The following GPLD1 variants were observed in gnomAD, a reference collection of about 807,000 sequenced individuals.
GPLD1 encodes the protein phosphatidylinositol-glycan-specific phospholipase D.
A neutral mutation model predicts 112.6 loss-of-function variants in GPLD1; 84 were observed. The observed-to-expected ratio is 0.75, with a 90% CI of 0.63 to 0.89. The LOEUF is 0.89. Among genes scored for constraint, GPLD1 ranks in the 40% least tolerant of loss-of-function variants. The pLI, the probability that GPLD1 is intolerant of heterozygous loss-of-function variation, is 0.00. For synonymous variants in GPLD1, 386 were observed against 403.8 expected (o/e 0.96, Z 0.53); for missense variants, 1,044 against 1,051.5 (o/e 0.99, Z 0.10).
chr6:24,481,941 T>A (rs1764215327), intron 2 of GPLD1, among the ~76,000 whole-genome samples: 2 of 152,186 alleles, frequency 1.3e-5, no homozygotes, highest in African/African-American at 4.8e-5. Flanking sequence ...TTAAGACTTG[T>A]TGAATCTGCA....
At chr6:24,489,669 T>G, upstream of GPLD1, 1 of 1,231,792 alleles carries the variant, frequency 8.1e-7, no homozygotes, top group Non-Finnish European at 1.1e-6. Flanking sequence ...CGTTTTCCAA[T>G]GAAGTCAACT....
rs2295649 is a variant in GPLD1 at position 24,437,296 on chromosome 6, C to T, written c.2021-7G>A. 195,137 of 1,610,844 alleles carry T rather than the reference C, an allele frequency of 0.12. 16,541 individuals are homozygous for T. Among genetic ancestry groups the T allele is most frequent in the East Asian group, 0.42 (18,888 of 44,814 alleles). On this transcript the variant is annotated splice_polypyrimidine_tract_variant and splice_region_variant and intron_variant, in intron 20 of 24. Transcript: ENST00000230036. ...GCCACCTTAGACACGTCATCTGAAA[C>T]GAACCACAGTTCCTGCTGGCCTCAC...
At position 24,436,616 on chromosome 6, in the gene GPLD1, C is replaced by T. The variant is rs749201248; in HGVS notation, c.2318G>A (p.Gly773Asp). Reference sequence around the variant, plus strand: ...TGGAGTTATCCATGATTTGCATTTGCCAGTCATGTCACCAAGGGTGGTCTC... The same window carrying T: ...TGGAGTTATCCATGATTTGCATTTGTCAGTCATGTCACCAAGGGTGGTCTC... Reference protein sequence around the residue: ...GKETTLGDMTGKCKSWITPCP... With the variant: ...GKETTLGDMTDKCKSWITPCP... Residue 773 changes from glycine (G) to aspartate (D), a missense_variant, in exon 22 of 25, where the codon GGC becomes GAC. By Grantham distance (94) the Gly-to-Asp change is moderately conservative. Coordinates refer to ENST00000230036, the MANE Select transcript of GPLD1 (RefSeq NM_001503.4). 6.2e-7 allele frequency: 1 copy of T among 1,614,010 alleles called. No homozygotes were observed. Among genetic ancestry groups the T allele is most frequent in the Non-Finnish European group, 8.5e-7 (1 of 1,179,914 alleles).
rs1001493071 is a variant in GPLD1, at chr6:24,495,172, T to G, written n.34A>C. On this transcript the variant is annotated non_coding_transcript_exon_variant, in exon 1 of 11. Coordinates refer to the GPLD1 transcript ENST00000474784. ...CTGGCGGGCCTCTCTGCGGCGCTGC[T>G]GCGCACCGACAGCTTCGTGGGCGGC... 6.7e-7 allele frequency: 1 copy of G among 1,494,554 alleles called. No individual in the cohort carries two copies. The highest frequency in any genetic ancestry group is 8.9e-7 in the Non-Finnish European group (1 of 1,129,556). The allele number at this position is 1,494,554 out of a possible 1,614,324, so 92.6% of individuals were successfully genotyped here. A position where few individuals can be genotyped will look rare whatever the true frequency, so the allele number is the denominator to read the frequency against.
At chr6:24,466,539 C>T in intron 10 of GPLD1, 141 bp downstream of exon 10, 1 of 650,318 alleles carries the variant, frequency 1.5e-6, no homozygotes, top group Non-Finnish European at 2.6e-6. Flanking sequence ...TTCTTTCCCT[C>T]TTTGAATAGG....
intron 12 of GPLD1, among the ~76,000 whole-genome samples, chr6:24,458,601 G>A (rs373661576): frequency 2.6e-5 from 4 of 152,188 alleles, no homozygotes; most frequent in East Asian, 3.9e-4. Context: ...TGTTAAAGCC[G>A]GGTGTGGTGG....
At position 24,427,845 on chromosome 6, in the gene GPLD1, CAAAAAA is replaced by C. The variant is rs72112585; in HGVS notation, c.*1181_*1186del. Among the ~76,000 whole-genome samples the C allele has an allele frequency of 1.1e-5, 1 of 87,634 alleles. No homozygotes were observed. The highest frequency in any genetic ancestry group is 2.1e-5 in the Non-Finnish European group (1 of 47,762). 57.5% of individuals were successfully genotyped at this position (87,634 alleles called of 152,430 possible). ...TGGGCAACAGAGCAAGACTCCGTCTCAAAAAAAAAAAAAAAAAAAAAGGACTATCAT... is the reference window on the plus strand; with the variant it reads ...TGGGCAACAGAGCAAGACTCCGTCTCAAAAAAAAAAAAAAAGGACTATCAT... On this transcript the variant is annotated 3_prime_UTR_variant, in exon 25 of 25. Coordinates refer to ENST00000230036, the MANE Select transcript of GPLD1 (RefSeq NM_001503.4).
upstream of GPLD1, among the ~76,000 whole-genome samples, chr6:24,492,091 CT>C (rs1023571718): frequency 2.0e-5 from 3 of 152,134 alleles, no homozygotes; most frequent in African/African-American, 7.2e-5. Context: ...ATTTAGAACT[CT>C]TCTGGAAATA....
At chr6:24,488,143 C>T (rs1022993807) in intron 1 of GPLD1, among the ~76,000 whole-genome samples, 1 of 152,110 alleles carries the variant, frequency 6.6e-6, no homozygotes, top group South Asian at 2.1e-4. Flanking sequence ...CGCGATGGCT[C>T]ACGCCTGTAA....
At chr6:24,443,126 T>C (rs1762798623) in intron 20 of GPLD1, among the ~76,000 whole-genome samples, 1 of 152,202 alleles carries the variant, frequency 6.6e-6, no homozygotes, top group African/African-American at 2.4e-5. Context: ...CAATTACTAC[T>C]GTTACTGCTT....
intron 20 of GPLD1, among the ~76,000 whole-genome samples, chr6:24,442,471 A>ATTTTT (rs1762779388): frequency 1.1e-5 from 1 of 95,142 alleles, no homozygotes; most frequent in Non-Finnish European, 1.9e-5. Flanking sequence ...TTGAGATGGA[A>ATTTTT]TTTCACTCTG....
intron 14 of GPLD1, among the ~76,000 whole-genome samples, chr6:24,451,929 G>A (rs528797075): frequency 2.5e-4 from 38 of 152,276 alleles, no homozygotes; most frequent in African/African-American, 8.4e-4. Flanking sequence ...TGCACCATCC[G>A]GCCCTCCTAC....
At chr6:24,480,018 G>A (rs754551669) in intron 2 of GPLD1, 59 bp from the exon 3 acceptor site, 13 of 1,007,600 alleles carry the variant, frequency 1.3e-5, no homozygotes, top group Non-Finnish European at 1.9e-5. Flanking sequence ...GGGGAGTATA[G>A]GCCCCACCAA....
In GPLD1 at chr6:24,473,637, G is replaced by A. The variant is rs775147000; in HGVS notation, c.472C>T (p.His158Tyr). 2.5e-6 allele frequency: 4 copies of A among 1,608,860 alleles called. No homozygotes were observed. Among genetic ancestry groups the A allele is most frequent in the East Asian group, 2.2e-5 (1 of 44,818 alleles). Reference protein sequence around the residue: ...IDFHGSYSEAHSAGDFGGDVL... With the variant: ...IDFHGSYSEAYSAGDFGGDVL... Reference sequence around the variant, plus strand: ...ACAGTACCAAAATCACCAGCCGAATGAGCCTCTGAATAGGAGCCGTGAAAA... The same window carrying A: ...ACAGTACCAAAATCACCAGCCGAATAAGCCTCTGAATAGGAGCCGTGAAAA... Residue 158 changes from histidine (H) to tyrosine (Y), a missense_variant, in exon 6 of 25, where the codon CAT becomes TAT. By Grantham distance (83) the His-to-Tyr change is moderately conservative (BLOSUM62 2). Coordinates refer to ENST00000230036, the MANE Select transcript of GPLD1 (RefSeq NM_001503.4).
intron 11 of GPLD1, 59 bp from the exon 12 acceptor site, chr6:24,460,458 C>A: frequency 6.4e-7 from 1 of 1,573,836 alleles, no homozygotes; most frequent in Non-Finnish European, 8.7e-7. Context: ...CCCTGTAAAA[C>A]TGAGTTGAAG....
At chr6:24,456,382 T>A (rs1763269819) in intron 13 of GPLD1, 116 bp downstream of exon 13, 2 of 717,018 alleles carry the variant, frequency 2.8e-6, no homozygotes, top group African/African-American at 3.6e-5. Flanking sequence ...GGGTGACAAG[T>A]GAGACTCTGT....
intron 1 of GPLD1, 141 bp from the exon 2 acceptor site, chr6:24,486,271 C>T: frequency 3.1e-6 from 2 of 638,368 alleles, no homozygotes; most frequent in Non-Finnish European, 5.6e-6. Flanking sequence ...TTTGCACTCA[C>T]TGGCAATTTT....
intron 11 of GPLD1, among the ~76,000 whole-genome samples, 177 bp downstream of exon 11, chr6:24,462,553 G>C (rs1763470996): frequency 6.6e-6 from 1 of 152,144 alleles, no homozygotes; most frequent in Non-Finnish European, 1.5e-5. Flanking sequence ...TGCAAAAGGA[G>C]GAAGCTATAG....
intron 12 of GPLD1, among the ~76,000 whole-genome samples, chr6:24,459,078 C>T (rs940414357): frequency 1.5e-4 from 23 of 152,204 alleles, no homozygotes; most frequent in Non-Finnish European, 7.4e-5. Context: ...GTGCTCCAGG[C>T]AAATACGACT....
Sources: gnomAD v4.1 joint callset for allele counts (sites outside exome capture counted in the v4.1 genomes callset) on GRCh38, gnomAD v4.1.1 for gene constraint, MANE v1.5 for transcripts, NCBI Gene and HGNC (gene_info 2026-07-23, HGNC 2026-07-21) for gene names.